Variants in SMAP1 observed in about 807,000 individuals in gnomAD.
SMAP1 encodes small ArfGAP 1.
SMAP1 carries 24 observed loss-of-function variants against 58.5 expected under a neutral mutation model. The observed-to-expected ratio is 0.41, with a 90% CI of 0.30 to 0.58. The LOEUF is 0.58. SMAP1 is among the 20% of genes least tolerant of loss of function. SMAP1 has a pLI of 0.29. For missense variants in SMAP1, 563 were observed against 566.3 expected, an observed-to-expected ratio of 0.99 and a Z score of 0.06; for synonymous variants, 216 against 196.6, an observed-to-expected ratio of 1.10 and a Z score of -0.82.
chr6:70,842,825 G>A (rs895117039), intron 7 of SMAP1, among the ~76,000 whole-genome samples: 1 of 152,048 alleles, frequency 6.6e-6, no homozygotes, highest in Non-Finnish European at 1.5e-5. Flanking sequence ...TCACCTTATG[G>A]CCAACACATG....
In SMAP1 at chr6:70,789,213, G is replaced by A. The variant is rs1444205459; in HGVS notation, c.415-2476G>A. On this transcript the variant is annotated intron_variant, in intron 4 of 10. Transcript: ENST00000370455. Reference sequence around the variant, plus strand: ...AAATATAATTCATATATAATAAAAGGTAGATATTTTAAGGTACAGATCAAT... The same window carrying A: ...AAATATAATTCATATATAATAAAAGATAGATATTTTAAGGTACAGATCAAT... Among the ~76,000 whole-genome samples, 4 of 152,158 alleles carry A rather than the reference G, an allele frequency of 2.6e-5. No individual in the cohort carries two copies. In the East Asian group the frequency reaches 7.7e-4, roughly 29 times the overall value.
At chr6:70,697,781 A>G (rs1767470579) in intron 1 of SMAP1, among the ~76,000 whole-genome samples, 1 of 152,194 alleles carries the variant, frequency 6.6e-6, no homozygotes, top group Non-Finnish European at 1.5e-5. Flanking sequence ...CAAACAAGCA[A>G]AGAGAAAACT....
chr6:70,783,920 G>A (rs1364618472), intron 4 of SMAP1, among the ~76,000 whole-genome samples: 1 of 152,182 alleles, frequency 6.6e-6, no homozygotes, highest in Non-Finnish European at 1.5e-5. Context: ...TAGCAAGGAA[G>A]GCCAACATTC....
At chr6:70,761,743 G>A (rs2149897472) in intron 3 of SMAP1, among the ~76,000 whole-genome samples, 1 of 151,988 alleles carries the variant, frequency 6.6e-6, no homozygotes, top group South Asian at 2.1e-4. Context: ...GATACTATTG[G>A]CTTATTTAAT....
chr6:70,707,234 A>G (rs1444538049), intron 1 of SMAP1, among the ~76,000 whole-genome samples: 1 of 152,246 alleles, frequency 6.6e-6, no homozygotes, highest in Non-Finnish European at 1.5e-5. Context: ...ATAAATAAAC[A>G]TCATCTCTGA....
chr6:70,692,700 G>A (rs1216073576), intron 1 of SMAP1, among the ~76,000 whole-genome samples: 1 of 152,022 alleles, frequency 6.6e-6, no homozygotes, highest in African/African-American at 2.4e-5. Context: ...TATGTTCTGG[G>A]CCCCTTTGTC....
At chr6:70,831,263 CT>C (rs952207483) in intron 6 of SMAP1, among the ~76,000 whole-genome samples, 1 of 150,946 alleles carries the variant, frequency 6.6e-6, no homozygotes, top group Non-Finnish European at 1.5e-5. Flanking sequence ...CTTATTTTTA[CT>C]TTTTTTTTAA....
At chr6:70,710,667 G>GAATA (rs1257712604) in intron 1 of SMAP1, among the ~76,000 whole-genome samples, 1 of 152,038 alleles carries the variant, frequency 6.6e-6, no homozygotes, top group African/African-American at 2.4e-5. Context: ...ACTTAGGCTA[G>GAATA]AATAAATTGA....
chr6:70,745,024 G>T (rs1202817311), intron 2 of SMAP1, among the ~76,000 whole-genome samples: 1 of 152,136 alleles, frequency 6.6e-6, no homozygotes, highest in Non-Finnish European at 1.5e-5. Context: ...GGGGTTGTTT[G>T]TTTTTTCCTT....
chr6:70,705,353 G>A (rs570102011), intron 1 of SMAP1, among the ~76,000 whole-genome samples: 1 of 151,710 alleles, frequency 6.6e-6, no homozygotes, highest in Admixed American at 6.6e-5. Flanking sequence ...CTGGGTTCAA[G>A]TGATTCTCCT....
At chr6:70,827,835 A>G (rs1440143210) in intron 6 of SMAP1, among the ~76,000 whole-genome samples, 3 of 152,224 alleles carry the variant, frequency 2.0e-5, no homozygotes, top group African/African-American at 4.8e-5. Flanking sequence ...AGATGTCCAT[A>G]TGATTGGGGA....
Position 70,783,192 on chromosome 6 carries a change from G to C in SMAP1, c.415-8497G>C, listed in dbSNP as rs371638531. ...CCGCTGCTAATACCCAGGCAAACAG[G>C]GTCTGGAGTGGACCTCTAGCAAACT... is the stretch of plus-strand genomic sequence containing the variant. On this transcript the variant is annotated intron_variant, in intron 4 of 10. Transcript: ENST00000370455. Among the ~76,000 whole-genome samples, 45 of 152,288 alleles carry C rather than the reference G, an allele frequency of 3.0e-4. 1 individual carries two copies. In the East Asian group the frequency reaches 4.0e-3, roughly 14 times the overall value.
intron 10 of SMAP1, chr6:70,859,971 T>C (rs1311833793): frequency 2.0e-5 from 8 of 400,970 alleles, no homozygotes; most frequent in Admixed American, 1.3e-4. Flanking sequence ...TGGTATTTTT[T>C]TTTAAGTAAG....
chr6:70,750,849 C>T (rs145280330), intron 2 of SMAP1, among the ~76,000 whole-genome samples: 165 of 152,260 alleles, frequency 1.1e-3, no homozygotes, highest in African/African-American at 3.9e-3. Flanking sequence ...GATGAGTCAA[C>T]TAAAAAAGTG....
chr6:70,836,428 A>G (rs1221128582), intron 6 of SMAP1, among the ~76,000 whole-genome samples: 1 of 152,218 alleles, frequency 6.6e-6, no homozygotes, highest in Non-Finnish European at 1.5e-5. Context: ...TATGGGAGCT[A>G]TAAGATGAGA....
chr6:70,668,904 A>C (rs1049825710), intron 1 of SMAP1, among the ~76,000 whole-genome samples: 1 of 152,190 alleles, frequency 6.6e-6, no homozygotes, highest in Non-Finnish European at 1.5e-5. Flanking sequence ...GTTTGGGAGA[A>C]TATGTGGACA....
At chr6:70,807,536 A>G (rs62419723) in intron 6 of SMAP1, among the ~76,000 whole-genome samples, 5,258 of 152,318 alleles carry the variant, frequency 0.035, 115 homozygotes, top group South Asian at 0.07. Context: ...TCAATGATCT[A>G]TAAATATGTT....
chr6:70,672,286 C>G (rs1444341025), intron 1 of SMAP1, among the ~76,000 whole-genome samples: 2 of 152,136 alleles, frequency 1.3e-5, no homozygotes, highest in African/African-American at 2.4e-5. Flanking sequence ...GACTTTTGCC[C>G]ATTGGTGGTC....
At chr6:70,702,390 G>T (rs369410523) in intron 1 of SMAP1, among the ~76,000 whole-genome samples, 1,714 of 120,208 alleles carry the variant, frequency 0.014, 28 homozygotes, top group African/African-American at 0.046. Context: ...CTTTTTTTTT[G>T]GGGAGGGGGT....
Sources: allele counts gnomAD v4.1 joint callset (sites outside exome capture counted in the v4.1 genomes callset), GRCh38; gene constraint gnomAD v4.1.1; transcripts MANE v1.5; gene names NCBI Gene and HGNC (gene_info 2026-07-23, HGNC 2026-07-21).